Variants in KDM4C observed in about 807,000 individuals in gnomAD.
KDM4C encodes the protein lysine demethylase 4C.
A neutral mutation model predicts 129.3 loss-of-function variants in KDM4C; 81 were observed. That is an observed-to-expected ratio of 0.63 (90% CI 0.52 to 0.75). KDM4C has a LOEUF of 0.75. Ranked by LOEUF, KDM4C falls within the 30% of genes least tolerant of loss-of-function variation. The probability of loss-of-function intolerance (pLI) is 0.00; values close to 1 mark genes in which losing one functional copy is unlikely to be tolerated. For synonymous variants in KDM4C, 573 were observed against 456.1 expected, an observed-to-expected ratio of 1.26 and a Z score of -3.26; for missense variants, 1,457 against 1,304.0, an observed-to-expected ratio of 1.12 and a Z score of -1.81.
intron 8 of KDM4C, among the ~76,000 whole-genome samples, chr9:6,928,510 G>A (rs908370494): frequency 1.3e-5 from 2 of 151,960 alleles, no homozygotes; most frequent in Non-Finnish European, 2.9e-5. Context: ...CTACTTCCTC[G>A]TGGTTTCACC....
intron 5 of KDM4C, among the ~76,000 whole-genome samples, chr9:6,853,564 C>G (rs1564163994): frequency 6.6e-6 from 1 of 152,146 alleles, no homozygotes; most frequent in Non-Finnish European, 1.5e-5. Flanking sequence ...TCCTGAGTTG[C>G]TATACATAGG....
At chr9:7,055,831 A>G (rs1220787655) in intron 17 of KDM4C, among the ~76,000 whole-genome samples, 1 of 152,234 alleles carries the variant, frequency 6.6e-6, no homozygotes, top group Non-Finnish European at 1.5e-5. Context: ...AGTTCTATTT[A>G]GTTAATGTTA....
At chr9:7,058,274 A>G (rs76772980) in intron 17 of KDM4C, among the ~76,000 whole-genome samples, 3 of 152,110 alleles carry the variant, frequency 2.0e-5, no homozygotes, top group Middle Eastern at 3.4e-3. Context: ...ACTGTTTCCA[A>G]CCCTTTTCAG....
chr9:7,072,997 G>A (rs1247341650), intron 17 of KDM4C, among the ~76,000 whole-genome samples: 4 of 152,146 alleles, frequency 2.6e-5, no homozygotes, highest in African/African-American at 7.2e-5. Flanking sequence ...GTGAAGAAAA[G>A]TAGTAGGAGA....
At chr9:7,052,913 C>CGAG (rs1266973187) in intron 17 of KDM4C, among the ~76,000 whole-genome samples, 2 of 4,838 alleles carry the variant, frequency 4.1e-4, no homozygotes, top group East Asian at 5.8e-3. Flanking sequence ...GAGCGAGTGC[C>CGAG]CAAGGGATGA....
intron 8 of KDM4C, among the ~76,000 whole-genome samples, chr9:6,975,223 C>CT (rs973502365): frequency 6.6e-6 from 1 of 152,156 alleles, no homozygotes; most frequent in Non-Finnish European, 1.5e-5. Flanking sequence ...GGGAAAGAAA[C>CT]TTATTTTGGA....
At chr9:6,863,278 G>A (rs1028025916) in intron 5 of KDM4C, among the ~76,000 whole-genome samples, 26 of 151,960 alleles carry the variant, frequency 1.7e-4, no homozygotes, top group Non-Finnish European at 3.7e-4. Flanking sequence ...TTTCTTTGGG[G>A]CTTCATACTG....
chr9:7,009,389 T>C (rs563628620), intron 12 of KDM4C, among the ~76,000 whole-genome samples: 3 of 152,258 alleles, frequency 2.0e-5, no homozygotes, highest in African/African-American at 7.2e-5. Flanking sequence ...TTCAATTAAT[T>C]GCTCAAGTGC....
At chr9:6,903,967 C>T (rs1395189757) in intron 8 of KDM4C, among the ~76,000 whole-genome samples, 3 of 152,210 alleles carry the variant, frequency 2.0e-5, no homozygotes, top group Middle Eastern at 3.4e-3. Context: ...TAGCCGGGCG[C>T]GGTGGCTCAC....
At chr9:7,033,634 CT>C (rs1554709347) in intron 15 of KDM4C, among the ~76,000 whole-genome samples, 1 of 152,186 alleles carries the variant, frequency 6.6e-6, no homozygotes, top group Non-Finnish European at 1.5e-5. Flanking sequence ...GTTCTTTCCT[CT>C]TTCTTTTGCT....
chr9:6,920,743 T>C (rs1038164667), intron 8 of KDM4C, among the ~76,000 whole-genome samples: 2 of 152,130 alleles, frequency 1.3e-5, no homozygotes, highest in African/African-American at 4.8e-5. Flanking sequence ...GCTTACATTC[T>C]TGGTCTTGCA....
At chr9:7,024,480 C>G (rs1260238689) in intron 15 of KDM4C, among the ~76,000 whole-genome samples, 4 of 151,780 alleles carry the variant, frequency 2.6e-5, no homozygotes, top group South Asian at 2.1e-4. Context: ...CTATCCCTCC[C>G]CCGTCCCCCC....
At chr9:7,036,878 T>C (rs991300674) in intron 15 of KDM4C, among the ~76,000 whole-genome samples, 1 of 152,222 alleles carries the variant, frequency 6.6e-6, no homozygotes, top group African/African-American at 2.4e-5. Flanking sequence ...AATGAATGAA[T>C]GTTTTCACTA....
At chr9:7,169,752 A>G (rs771422286) in intron 20 of KDM4C, 46 bp from the exon 21 acceptor site, 3 of 1,449,076 alleles carry the variant, frequency 2.1e-6, no homozygotes, top group African/African-American at 1.4e-5. Context: ...AAAAATGGTC[A>G]GTGCTGTTTT....
upstream of KDM4C, chr9:6,757,884 G>A (rs1178889769): frequency 3.0e-6 from 3 of 985,526 alleles, no homozygotes; most frequent in Non-Finnish European, 3.6e-6. Flanking sequence ...AGAGCGTGCC[G>A]GGCACCTTTA....
chr9:6,906,479 G>C (rs1475620907), intron 8 of KDM4C, among the ~76,000 whole-genome samples: 1 of 152,144 alleles, frequency 6.6e-6, no homozygotes, highest in South Asian at 2.1e-4. Context: ...TTGTCTCTGA[G>C]GCAAAGGGCT....
At chr9:6,903,683 T>A (rs1490574958) in intron 8 of KDM4C, among the ~76,000 whole-genome samples, 1 of 152,196 alleles carries the variant, frequency 6.6e-6, no homozygotes, top group Admixed American at 6.5e-5. Context: ...CTGTAATTTT[T>A]AAAAATTTTA....
intron 18 of KDM4C, among the ~76,000 whole-genome samples, chr9:7,127,695 A>G (rs986516667): frequency 5.3e-5 from 8 of 152,198 alleles, no homozygotes; most frequent in Non-Finnish European, 7.3e-5. Context: ...CAACTGGAGT[A>G]TAGATGGAGA....
chr9:6,993,438 T>C (rs1376210355), intron 12 of KDM4C, among the ~76,000 whole-genome samples: 1 of 152,256 alleles, frequency 6.6e-6, no homozygotes, highest in Non-Finnish European at 1.5e-5. Flanking sequence ...TATTGCCCAG[T>C]TGTTTAAAAA....
Sources: gnomAD v4.1 joint callset for allele counts (sites outside exome capture counted in the v4.1 genomes callset) on GRCh38, gnomAD v4.1.1 for gene constraint, MANE v1.5 for transcripts, NCBI Gene and HGNC (gene_info 2026-07-23, HGNC 2026-07-21) for gene names.